The following ITFG1 variants were observed in gnomAD, a reference collection of about 807,000 sequenced individuals.
ITFG1 encodes the protein integrin alpha FG-GAP repeat containing 1, also known as T-cell immunomodulatory protein.
ITFG1 carries 34 observed loss-of-function variants against 81.8 expected under a neutral mutation model. That is an observed-to-expected ratio of 0.42 (90% confidence interval 0.32 to 0.55). ITFG1 has a LOEUF of 0.55. Among genes scored for constraint, ITFG1 ranks in the 20% least tolerant of loss-of-function variants. The probability of loss-of-function intolerance (pLI) is 0.17; values close to 1 mark genes in which losing one functional copy is unlikely to be tolerated. For missense variants in ITFG1, 672 were observed against 755.4 expected, an observed-to-expected ratio of 0.89 and a Z score of 1.29; for synonymous variants, 285 against 270.6, an observed-to-expected ratio of 1.05 and a Z score of -0.52.
chr16:47,357,984 C>T (rs1473449050), intron 8 of ITFG1, among the ~76,000 whole-genome samples: 1 of 152,116 alleles, frequency 6.6e-6, no homozygotes, highest in Non-Finnish European at 1.5e-5. Context: ...GAAGTCTTTG[C>T]TACAAGGTAG....
At chr16:47,204,983 T>C (rs1965474885) in intron 14 of ITFG1, among the ~76,000 whole-genome samples, 1 of 152,208 alleles carries the variant, frequency 6.6e-6, no homozygotes, top group African/African-American at 2.4e-5. Context: ...GACCATCAGA[T>C]GTACCTCTCC....
intron 14 of ITFG1, among the ~76,000 whole-genome samples, chr16:47,214,111 C>G (rs898091065): frequency 2.0e-5 from 3 of 152,156 alleles, no homozygotes; most frequent in Non-Finnish European, 4.4e-5. Flanking sequence ...AGATACCTAG[C>G]TTGTGTTGGA....
At chr16:47,450,363 A>G (rs1969372901) in intron 5 of ITFG1, 1 of 282,454 alleles carries the variant, frequency 3.5e-6, no homozygotes, top group Non-Finnish European at 6.8e-6. Context: ...CAGAAAAAGT[A>G]ATAGGTGATC....
chr16:47,443,413 A>G (rs1160857313), intron 5 of ITFG1, among the ~76,000 whole-genome samples: 1 of 152,188 alleles, frequency 6.6e-6, no homozygotes, highest in African/African-American at 2.4e-5. Flanking sequence ...TACCCAAAGG[A>G]TTATAAATCA....
At chr16:47,354,562 G>C (rs1348773900) in intron 8 of ITFG1, among the ~76,000 whole-genome samples, 2 of 152,064 alleles carry the variant, frequency 1.3e-5, no homozygotes, top group Non-Finnish European at 2.9e-5. Context: ...TGAGATTACA[G>C]CTAACTAAAA....
In ITFG1 at chr16:47,391,632, C is replaced by T. The variant is rs528071103; in HGVS notation, c.656-15692G>A. Among the ~76,000 whole-genome samples the T allele has an allele frequency of 9.2e-5, 14 of 152,254 alleles. No homozygotes were observed. The South Asian group carries it at 2.9e-3, about 32-fold the overall frequency. On this transcript the variant is annotated intron_variant, in intron 6 of 17. Transcript: ENST00000320640. Reference sequence around the variant, plus strand: ...TCTTTCAGAAACAGTAATAAAAACACTAAGTATAATTCTGTTATGCTTATG... The same window carrying T: ...TCTTTCAGAAACAGTAATAAAAACATTAAGTATAATTCTGTTATGCTTATG...
At chr16:47,230,598 A>C (rs1421645052) in intron 13 of ITFG1, among the ~76,000 whole-genome samples, 4 of 152,206 alleles carry the variant, frequency 2.6e-5, no homozygotes, top group African/African-American at 9.7e-5. Flanking sequence ...CCAAATAAAC[A>C]GTGGAACAAG....
intron 12 of ITFG1, among the ~76,000 whole-genome samples, chr16:47,251,919 A>C (rs1477282892): frequency 2.0e-5 from 3 of 152,238 alleles, no homozygotes; most frequent in Non-Finnish European, 4.4e-5. Flanking sequence ...ATGGGTAACT[A>C]AAACCACAGA....
At chr16:47,166,328 ATAATC>A (rs1266754425) in intron 14 of ITFG1, among the ~76,000 whole-genome samples, 2 of 152,370 alleles carry the variant, frequency 1.3e-5, no homozygotes, top group East Asian at 3.9e-4. Context: ...TATAAGGAGA[ATAATC>A]TAAGTAAAAT....
At chr16:47,170,736 C>CTT (rs35976837) in intron 14 of ITFG1, among the ~76,000 whole-genome samples, 8,613 of 121,112 alleles carry the variant, frequency 0.071, 711 homozygotes, top group African/African-American at 0.15. Context: ...TCTAGATTAT[C>CTT]TTTTTTTTTT....
rs551160630 is a variant in ITFG1, at chr16:47,331,855, C to T, written c.803-18032G>A. 1.8e-3 allele frequency among the ~76,000 whole-genome samples: 281 copies of T among 152,198 alleles called. 2 individuals are homozygous for T. Among genetic ancestry groups the T allele is most frequent in the African/African-American group, 5.5e-3 (227 of 41,548 alleles). ...GAGCTAATTAGTACTTTTACTCAGA[C>T]GATAAACATCTTTAATTCCCTTCAA... On this transcript the variant is annotated intron_variant, in intron 8 of 17. Transcript: ENST00000320640.
chr16:47,285,817 T>C (rs944902525), intron 10 of ITFG1, among the ~76,000 whole-genome samples: 2 of 152,216 alleles, frequency 1.3e-5, no homozygotes, highest in African/African-American at 4.8e-5. Flanking sequence ...AAGAATTTTG[T>C]AAACACGCGT....
intron 5 of ITFG1, among the ~76,000 whole-genome samples, chr16:47,430,357 T>C (rs1969080322): frequency 6.6e-6 from 1 of 152,058 alleles, no homozygotes; most frequent in South Asian, 2.1e-4. Flanking sequence ...TGAGCCACCA[T>C]GCCCGGACAT....
chr16:47,243,652 G>A (rs1343444043), intron 12 of ITFG1, among the ~76,000 whole-genome samples: 1 of 152,162 alleles, frequency 6.6e-6, no homozygotes, highest in African/African-American at 2.4e-5. Flanking sequence ...GAAGAATGAG[G>A]GAGGCCTGTA....
At chr16:47,182,053 A>G (rs11641908) in intron 14 of ITFG1, among the ~76,000 whole-genome samples, 7 of 152,112 alleles carry the variant, frequency 4.6e-5, no homozygotes, top group African/African-American at 1.2e-4. Context: ...GCGGAAGGCC[A>G]CAGGGTCCTC....
At chr16:47,400,939 G>GTGT (rs776374656) in intron 6 of ITFG1, among the ~76,000 whole-genome samples, 29 of 152,138 alleles carry the variant, frequency 1.9e-4, no homozygotes, top group Non-Finnish European at 3.2e-4. Flanking sequence ...TTAAGAAAGG[G>GTGT]TGTGATAAGA....
intron 13 of ITFG1, among the ~76,000 whole-genome samples, chr16:47,222,134 G>A (rs1450713931): frequency 6.6e-6 from 1 of 151,736 alleles, no homozygotes; most frequent in South Asian, 2.1e-4. Flanking sequence ...GCTAGCTTTT[G>A]AATGTGTTTG....
intron 12 of ITFG1, 34 bp downstream of exon 12, chr16:47,258,598 A>G (rs779830114): frequency 2.1e-6 from 2 of 971,702 alleles, no homozygotes; most frequent in South Asian, 1.4e-5. Flanking sequence ...GGGAAGAGAA[A>G]GAGAACAAAA....
intron 5 of ITFG1, among the ~76,000 whole-genome samples, chr16:47,430,055 T>C (rs1034026513): frequency 6.6e-6 from 1 of 151,114 alleles, no homozygotes; most frequent in Admixed American, 6.6e-5. Flanking sequence ...CTTTTTACTT[T>C]TCTTTTTTTT....
Sources: allele counts gnomAD v4.1 joint callset (sites outside exome capture counted in the v4.1 genomes callset), GRCh38; gene constraint gnomAD v4.1.1; transcripts MANE v1.5; gene names NCBI Gene and HGNC (gene_info 2026-07-23, HGNC 2026-07-21).